MCCC1: variants seen among roughly 807,000 people sequenced by gnomAD.
The protein encoded by MCCC1 is methylcrotonyl-CoA carboxylase subunit 1.
A neutral mutation model predicts 83.8 loss-of-function variants in MCCC1; 64 were observed. The ratio of observed to expected loss-of-function variants is 0.76; its 90% CI spans 0.62 to 0.94. The LOEUF (loss-of-function observed/expected upper bound fraction) is 0.94. Ranked by LOEUF, MCCC1 falls within the 40% of genes least tolerant of loss-of-function variation. MCCC1 has a pLI of 0.00. For synonymous variants in MCCC1, 322 were observed against 315.4 expected, an observed-to-expected ratio of 1.02 and a Z score of -0.22; for missense variants, 807 against 904.7, an observed-to-expected ratio of 0.89 and a Z score of 1.39.
chr3:183,098,648 T>G (rs567002785), intron 1 of MCCC1: 1 of 152,124 alleles, frequency 6.6e-6, no homozygotes, highest in Admixed American at 6.6e-5. Context: ...AGCCTGAGGG[T>G]TTTTTCACTG....
At chr3:183,063,884 CG>C (rs1716040521) in intron 7 of MCCC1, among the ~76,000 whole-genome samples, 1 of 152,160 alleles carries the variant, frequency 6.6e-6, no homozygotes, top group Non-Finnish European at 1.5e-5. Flanking sequence ...TTTGGGTAAG[CG>C]GGGTGCATAC....
chr3:183,113,148 C>T lies in MCCC1; in HGVS notation c.-102+2326G>A, dbSNP rs183892462. ...CTGAGGCAGGAGAATCCCTTGAACC[C>T]GGGAGGCAGAGATTGCAGTGAGCCG... On this transcript the variant is annotated intron_variant, in intron 1 of 17. Transcript: ENST00000492597. Among the ~76,000 whole-genome samples, 587 of 148,958 alleles carry T rather than the reference C, an allele frequency of 3.9e-3. 7 individuals are homozygous for T. Among genetic ancestry groups the T allele is most frequent in the African/African-American group, 0.014 (570 of 40,394 alleles).
At chr3:183,101,142 G>C (rs958734144), upstream of MCCC1, among the ~76,000 whole-genome samples, 1 of 152,254 alleles carries the variant, frequency 6.6e-6, no homozygotes, top group Non-Finnish European at 1.5e-5. Flanking sequence ...CACGGGGCAG[G>C]GCTCGGGACC....
At chr3:183,051,670 G>A (rs1560235135) in intron 9 of MCCC1, among the ~76,000 whole-genome samples, 1 of 151,866 alleles carries the variant, frequency 6.6e-6, no homozygotes, top group South Asian at 2.1e-4. Flanking sequence ...CTATGGACTT[G>A]GGTGATAATG....
intron 4 of MCCC1, among the ~76,000 whole-genome samples, chr3:183,082,112 C>T (rs1237387644): frequency 3.3e-5 from 5 of 152,230 alleles, no homozygotes; most frequent in African/African-American, 1.2e-4. Flanking sequence ...AGTGTTCTTT[C>T]TGCTCATCCA....
rs140408273 is a variant in MCCC1 at position 183,067,242 on chromosome 3, C to T, written c.761+3757G>A. ...AAAGAATGTCACTTTCTGAAAGACT[C>T]AGGAGCCCCAAGTTATCGTGAGACC... On this transcript the variant is annotated intron_variant, in intron 7 of 18. Coordinates refer to ENST00000265594, the MANE Select transcript of MCCC1 (RefSeq NM_020166.5). 2.2e-3 allele frequency among the ~76,000 whole-genome samples: 333 copies of T among 152,300 alleles called. 1 individual carries two copies. Among genetic ancestry groups the T allele is most frequent in the South Asian group, 7.1e-3 (34 of 4,820 alleles).
chr3:183,045,514 T>C lies in MCCC1; in HGVS notation c.982A>G (p.Lys328Glu). The part of the protein sequence containing the change: ...AGTVEFIMDS[K>E]HNFCFMEMNT... ...ATCTCCATGAAACAGAAATTATGTT[T>C]TGAGTCCATAATAAACTCCACAGTC... The change falls in exon 10 of 19, where the codon AAA becomes GAA. Residue 328 changes from lysine to glutamate, a missense_variant. By Grantham distance (56) the Lys-to-Glu change is moderately conservative. Coordinates refer to ENST00000265594, the MANE Select transcript of MCCC1 (RefSeq NM_020166.5). The C allele has an allele frequency of 6.2e-7, 1 of 1,614,140 alleles. No homozygotes were observed.
upstream of MCCC1, among the ~76,000 whole-genome samples, chr3:183,103,839 G>C (rs548729135): frequency 1.3e-5 from 2 of 152,212 alleles, no homozygotes; most frequent in Non-Finnish European, 2.9e-5. Flanking sequence ...AAGAGCCCAC[G>C]GAGCGGGGGG....
chr3:183,076,610 C>T (rs1017266717), intron 4 of MCCC1, among the ~76,000 whole-genome samples: 1 of 152,146 alleles, frequency 6.6e-6, no homozygotes, highest in Non-Finnish European at 1.5e-5. Flanking sequence ...TGCATTTCTA[C>T]CAGCAATTTA....
intron 1 of MCCC1, among the ~76,000 whole-genome samples, chr3:183,111,816 G>A (rs113803679): frequency 2.0e-5 from 3 of 151,968 alleles, no homozygotes; most frequent in Non-Finnish European, 2.9e-5. Context: ...CTCAGTGCGA[G>A]ACCACACTCC....
chr3:183,094,485 GATT>G, intron 2 of MCCC1, 71 bp downstream of exon 2: 3 of 1,384,432 alleles, frequency 2.2e-6, no homozygotes, highest in Non-Finnish European at 2.1e-6. Flanking sequence ...TATATTAAGG[GATT>G]AAACATTTCC....
intron 13 of MCCC1, among the ~76,000 whole-genome samples, chr3:183,034,352 G>A (rs1713352301): frequency 6.6e-6 from 1 of 151,288 alleles, no homozygotes; most frequent in Non-Finnish European, 1.5e-5. Context: ...TCTGGAGGCT[G>A]AGGCAGGAGA....
Position 183,086,791 on chromosome 3 carries a change from G to A in MCCC1, c.274-3C>T. The A allele has an allele frequency of 6.2e-7, 1 of 1,613,482 alleles. No individual in the cohort carries two copies. The highest frequency in any genetic ancestry group is 8.5e-7 in the Non-Finnish European group (1 of 1,179,624). On this transcript the variant is annotated splice_polypyrimidine_tract_variant and splice_region_variant and intron_variant, in intron 3 of 18. Transcript: ENST00000265594. ...CCGATGGAATATGCTTCATCTGCCT[G>A]TTTAAGAAACATCACATGCTTAAAA...
chr3:183,023,316 C>T (rs948871568), intron 15 of MCCC1, among the ~76,000 whole-genome samples: 4 of 152,132 alleles, frequency 2.6e-5, no homozygotes, highest in Non-Finnish European at 5.9e-5. Flanking sequence ...TGAAATAGGT[C>T]ACACTGCAAT....
At chr3:183,020,856 A>G (rs916994205) in intron 16 of MCCC1, among the ~76,000 whole-genome samples, 2 of 152,092 alleles carry the variant, frequency 1.3e-5, no homozygotes, top group Non-Finnish European at 2.9e-5. Flanking sequence ...TCAGGGGATC[A>G]AAACCATCCT....
At chr3:183,102,502 G>A (rs971823308), upstream of MCCC1, among the ~76,000 whole-genome samples, 9 of 152,144 alleles carry the variant, frequency 5.9e-5, no homozygotes, top group African/African-American at 2.2e-4. Flanking sequence ...AATATTAAGA[G>A]TTTAAAAGAG....
intron 4 of MCCC1, among the ~76,000 whole-genome samples, chr3:183,085,185 T>C (rs1301160324): frequency 2.0e-5 from 3 of 152,156 alleles, no homozygotes; most frequent in Non-Finnish European, 4.4e-5. Context: ...TACGGCAATT[T>C]ACTTTTAATT....
At position 183,064,171 on chromosome 3, in the gene MCCC1, C is replaced by T. The variant is rs1426259197; in HGVS notation, c.762-6749G>A. ...CCTTGCACTCTTTGCTGACGGCGGT[C>T]GGTGATAGGATTAGGCATGTACAGG... is the stretch of plus-strand genomic sequence containing the variant. On this transcript the variant is annotated intron_variant, in intron 7 of 18. Coordinates refer to ENST00000265594, the MANE Select transcript of MCCC1 (RefSeq NM_020166.5). This position sits in a 1 kb window ranked among gnomAD's most constrained non-coding sequence, Gnocchi z 4.5. Among the ~76,000 whole-genome samples, 1 of 151,618 alleles carries T rather than the reference C, an allele frequency of 6.6e-6. No individual in the cohort carries two copies. Among genetic ancestry groups the T allele is most frequent in the Non-Finnish European group, 1.5e-5 (1 of 67,794 alleles).
intron 10 of MCCC1, among the ~76,000 whole-genome samples, chr3:183,043,262 G>A (rs993693208): frequency 3.3e-5 from 5 of 152,200 alleles, no homozygotes; most frequent in Non-Finnish European, 7.3e-5. Context: ...ACTCCAGCCT[G>A]GGCAAAAAGA....
Sources: allele counts gnomAD v4.1 joint callset (sites outside exome capture counted in the v4.1 genomes callset), GRCh38; gene constraint gnomAD v4.1.1; non-coding constraint Gnocchi (gnomAD v3.1); transcripts MANE v1.5; gene names NCBI Gene and HGNC (gene_info 2026-07-23, HGNC 2026-07-21).